GRIP1: variants seen among roughly 807,000 people sequenced by gnomAD.
GRIP1 encodes glutamate receptor interacting protein 1.
In GRIP1, 45 loss-of-function variants were observed where a neutral mutation model predicts 129.9. The ratio of observed to expected loss-of-function variants is 0.35; its 90% CI spans 0.27 to 0.44. The LOEUF (loss-of-function observed/expected upper bound fraction) is 0.44. Among genes scored for constraint, GRIP1 ranks in the 20% least tolerant of loss-of-function variants. GRIP1 has a pLI of 1.00. For missense variants in GRIP1, 1,196 were observed against 1,396.8 expected (o/e 0.86, Z 2.29); for synonymous variants, 530 against 520.8 (o/e 1.02, Z -0.24).
intron 1 of GRIP1, among the ~76,000 whole-genome samples, chr12:66,814,775 T>C (rs2039174896): frequency 6.6e-6 from 1 of 152,132 alleles, no homozygotes; most frequent in Non-Finnish European, 1.5e-5. Context: ...AGAGGTTTAA[T>C]TGACTCAGTT....
chr12:66,800,585 C>T (rs949504488), intron 1 of GRIP1, among the ~76,000 whole-genome samples: 1 of 152,048 alleles, frequency 6.6e-6, no homozygotes, highest in Non-Finnish European at 1.5e-5. Context: ...TAAAAATACA[C>T]ATGACAATAG....
At chr12:66,643,077 T>C (rs892798236) in intron 1 of GRIP1, among the ~76,000 whole-genome samples, 2 of 152,210 alleles carry the variant, frequency 1.3e-5, no homozygotes, top group African/African-American at 4.8e-5. Context: ...CCCAGCAGAT[T>C]GGCATGGATT....
At chr12:66,803,951 C>T (rs1041746148) in intron 1 of GRIP1, 1 of 364,410 alleles carries the variant, frequency 2.7e-6, no homozygotes, top group Non-Finnish European at 5.5e-6. Flanking sequence ...ACAGAGAACA[C>T]CATCTGAGAA....
intron 1 of GRIP1, among the ~76,000 whole-genome samples, chr12:66,773,392 A>G (rs2037881320): frequency 6.6e-6 from 1 of 152,132 alleles, no homozygotes; most frequent in South Asian, 2.1e-4. Flanking sequence ...CTGGTTCTAG[A>G]TCCTTGAGGA....
chr12:66,710,668 C>A (rs191593508), intron 1 of GRIP1, among the ~76,000 whole-genome samples: 11 of 151,950 alleles, frequency 7.2e-5, no homozygotes, highest in Non-Finnish European at 1.2e-4. Context: ...CCCCGCCCAT[C>A]ATGCACTTTG....
intron 1 of GRIP1, among the ~76,000 whole-genome samples, chr12:66,925,794 G>A (rs901326043): frequency 6.6e-6 from 1 of 152,008 alleles, no homozygotes; most frequent in Non-Finnish European, 1.5e-5. Flanking sequence ...ACAGGCATGC[G>A]CCACCACACC....
intron 1 of GRIP1, among the ~76,000 whole-genome samples, chr12:66,663,110 T>C (rs2033606924): frequency 1.3e-5 from 2 of 152,230 alleles, no homozygotes; most frequent in South Asian, 4.1e-4. Context: ...TGAGATCAAT[T>C]GGAATTATGC....
intron 1 of GRIP1, among the ~76,000 whole-genome samples, chr12:66,843,687 A>G (rs559739017): frequency 6.6e-6 from 1 of 152,304 alleles, no homozygotes; most frequent in Non-Finnish European, 1.5e-5. Flanking sequence ...CAAGGGTGTC[A>G]AAACCATTTC....
rs577435526 is a variant in GRIP1, at chr12:66,944,831, T to C, written c.58+124219A>G. Among the ~76,000 whole-genome samples, 7 of 152,304 alleles carry C rather than the reference T, an allele frequency of 4.6e-5. 1 individual carries two copies. The South Asian group carries it at 1.5e-3, about 32-fold the overall frequency. ...TTTTTGAGACAGAGTCTCACTTTGTTGCCCAGGCTAGAGTACAGTGGCACG... is the reference window on the plus strand; with the variant it reads ...TTTTTGAGACAGAGTCTCACTTTGTCGCCCAGGCTAGAGTACAGTGGCACG... On this transcript the variant is annotated intron_variant, in intron 1 of 1. Transcript: ENST00000643019.
At chr12:66,596,286 T>G (rs185991349) in intron 2 of GRIP1, among the ~76,000 whole-genome samples, 3 of 152,320 alleles carry the variant, frequency 2.0e-5, no homozygotes, top group East Asian at 3.9e-4. Context: ...TAAAGACATT[T>G]AAAGATATTT....
chr12:66,986,493 C>A (rs1211695942), intron 1 of GRIP1, among the ~76,000 whole-genome samples: 1 of 148,888 alleles, frequency 6.7e-6, no homozygotes, highest in Admixed American at 6.7e-5. Context: ...GAATACTATG[C>A]AGCCATAAAA....
intron 1 of GRIP1, among the ~76,000 whole-genome samples, chr12:67,020,558 T>C (rs1408749108): frequency 6.6e-6 from 1 of 151,954 alleles, no homozygotes; most frequent in Non-Finnish European, 1.5e-5. Flanking sequence ...AAGGTACAGG[T>C]GGTCTGGCAA....
intron 1 of GRIP1, among the ~76,000 whole-genome samples, chr12:66,657,914 T>G (rs1011523659): frequency 6.6e-6 from 1 of 152,204 alleles, no homozygotes; most frequent in African/African-American, 2.4e-5. Context: ...GAAAAAGTCA[T>G]GTTTCAAGAA....
chr12:66,542,496 T>C (rs2061816972), intron 2 of GRIP1, among the ~76,000 whole-genome samples: 1 of 152,210 alleles, frequency 6.6e-6, no homozygotes, highest in Admixed American at 6.5e-5. Flanking sequence ...TATGTAACAA[T>C]TCATGTCATT....
intron 1 of GRIP1, among the ~76,000 whole-genome samples, chr12:66,993,643 T>C (rs550724548): frequency 6.6e-6 from 1 of 151,864 alleles, no homozygotes; most frequent in South Asian, 2.1e-4. Context: ...ATACAAAAAT[T>C]AGCTGGGCAT....
At chr12:66,378,359 G>A (rs1449006653) in intron 20 of GRIP1, among the ~76,000 whole-genome samples, 1 of 152,182 alleles carries the variant, frequency 6.6e-6, no homozygotes, top group Non-Finnish European at 1.5e-5. Flanking sequence ...GTCTAAGGCA[G>A]GAGAATTGCT....
chr12:66,695,317 G>A (rs1269969921), intron 1 of GRIP1, among the ~76,000 whole-genome samples: 1 of 151,926 alleles, frequency 6.6e-6, no homozygotes, highest in Non-Finnish European at 1.5e-5. Context: ...ATTCTGACCA[G>A]GTGGCAAATT....
intron 7 of GRIP1, among the ~76,000 whole-genome samples, chr12:66,505,163 A>G (rs2060494671): frequency 6.6e-6 from 1 of 152,214 alleles, no homozygotes; most frequent in Admixed American, 6.5e-5. Context: ...AAGGTCATCA[A>G]ATGAGTCCTT....
chr12:66,983,004 T>C (rs1040827826), intron 1 of GRIP1, among the ~76,000 whole-genome samples: 1 of 152,188 alleles, frequency 6.6e-6, no homozygotes, highest in Non-Finnish European at 1.5e-5. Context: ...AAATCAGCTT[T>C]CATTAGCTTC....
Sources: gnomAD v4.1 joint callset for allele counts (sites outside exome capture counted in the v4.1 genomes callset) on GRCh38, gnomAD v4.1.1 for gene constraint, MANE v1.5 for transcripts, NCBI Gene and HGNC (gene_info 2026-07-23, HGNC 2026-07-21) for gene names.